NBEA: variants seen among roughly 807,000 people sequenced by gnomAD.
NBEA encodes neurobeachin.
Under a neutral mutation model 343.4 loss-of-function variants are expected in NBEA, and 44 were observed. The observed-to-expected ratio is 0.13, with a 90% CI of 0.10 to 0.16. NBEA has a LOEUF of 0.16. Ranked by LOEUF, NBEA falls within the 10% of genes least tolerant of loss-of-function variation. The probability of loss-of-function intolerance (pLI) is 1.00; values close to 1 mark genes in which losing one functional copy is unlikely to be tolerated. For synonymous variants in NBEA, 1,175 were observed against 1,238.7 expected (o/e 0.95, Z 1.08); for missense variants, 2,555 against 3,631.3 (o/e 0.70, Z 7.62).
At chr13:34,992,236 G>GTATA (rs1273760024) in intron 1 of NBEA, among the ~76,000 whole-genome samples, 8 of 101,054 alleles carry the variant, frequency 7.9e-5, no homozygotes, top group East Asian at 7.4e-4. Flanking sequence ...GTGTGTGTGT[G>GTATA]TGTATATATA....
Position 35,359,832 on chromosome 13 carries a change from ATG to A in NBEA, c.6179+7536_6179+7537del, listed in dbSNP as rs60793996. On this transcript the variant is annotated intron_variant, in intron 38 of 58. Transcript: ENST00000379939. The stretch of plus-strand genomic sequence containing the variant: ...GAGTTTAATAGGTGTGTGTGTGTGT[ATG>A]TGTGTGTGTGTGTGTGTGTGTGTGT... Among the ~76,000 whole-genome samples the A allele has an allele frequency of 4.1e-3, 590 of 144,128 alleles. 3 individuals carry two copies. The highest frequency in any genetic ancestry group is 7.3e-3 in the African/African-American group (293 of 40,146). 94.6% of individuals were successfully genotyped at this position (144,128 alleles called of 152,430 possible). A position where few individuals can be genotyped will look rare whatever the true frequency, so the allele number is the denominator to read the frequency against.
At chr13:35,141,592 C>T (rs1481954470) in intron 17 of NBEA, among the ~76,000 whole-genome samples, 1 of 152,132 alleles carries the variant, frequency 6.6e-6, no homozygotes, top group Non-Finnish European at 1.5e-5. Flanking sequence ...GGAAGTGACA[C>T]AAATGAGAGG....
In NBEA at chr13:35,070,100, C is replaced by A; in HGVS notation, c.1432C>A (p.Leu478Ile). 1 of 1,549,722 alleles carries A rather than the reference C, an allele frequency of 6.5e-7. No individual in the cohort carries two copies. The highest frequency in any genetic ancestry group is 8.7e-7 in the Non-Finnish European group (1 of 1,146,152). ...TGTGCATTCCCCACATGCTCTAATGCTTCAGGTGGGTGAATCGTGGCTTTG... is the reference window on the plus strand; with the variant it reads ...TGTGCATTCCCCACATGCTCTAATGATTCAGGTGGGTGAATCGTGGCTTTG... ...IFVHSPHALM[L>I]QDVKAIVTHS... is the part of the protein sequence containing the mutation. The change falls in exon 9 of 59, where the codon CTT (leucine) becomes ATT (isoleucine). Residue 478 changes from leucine (L) to isoleucine (I), a missense_variant. Around this residue, in one of 21 missense-constraint regions of NBEA, gnomAD observed 75 missense variants for 237.4 expected, o/e 0.32. Transcript: ENST00000379939.
In NBEA at chr13:35,539,915, C is replaced by CAAAAAAAAAAAAAAAAAAA. The variant is rs71081262; in HGVS notation, c.6586-10553_6586-10535dup. ...TGGGCGACAGAGCAAGACTCCGTCT[C>CAAAAAAAAAAAAAAAAAAA]AAAAAAAAAAAAAAAAAAAAAAAAA... On this transcript the variant is annotated intron_variant, in intron 41 of 58. Coordinates refer to ENST00000379939, the MANE Select transcript of NBEA (RefSeq NM_001385012.1). Among the ~76,000 whole-genome samples the CAAAAAAAAAAAAAAAAAAA allele has an allele frequency of 4.8e-4, 19 of 39,606 alleles. 2 individuals carry two copies. Among genetic ancestry groups the CAAAAAAAAAAAAAAAAAAA allele is most frequent in the South Asian group, 2.0e-3 (2 of 1,020 alleles). 26.0% of individuals were successfully genotyped at this position (39,606 alleles called of 152,430 possible).
At chr13:35,447,686 A>G (rs369492225) in intron 39 of NBEA, among the ~76,000 whole-genome samples, 3 of 152,126 alleles carry the variant, frequency 2.0e-5, no homozygotes, top group African/African-American at 4.8e-5. Context: ...ATATATGTCT[A>G]TCCTACCCAG....
intron 42 of NBEA, 107 bp from the exon 43 acceptor site, chr13:35,550,823 T>G: frequency 1.4e-6 from 1 of 712,806 alleles, no homozygotes; most frequent in South Asian, 2.0e-5. Flanking sequence ...TGAAGATTCA[T>G]TAGCTTTACA....
chr13:34,943,303 TCTC>T (rs2059088987), intron 1 of NBEA, among the ~76,000 whole-genome samples, 189 bp downstream of exon 1: 1 of 152,010 alleles, frequency 6.6e-6, no homozygotes, highest in African/African-American at 2.4e-5. Context: ...ACCTCCCTCC[TCTC>T]CTCTTTCTGG....
intron 41 of NBEA, chr13:35,476,595 G>A: frequency 1.9e-6 from 1 of 532,238 alleles, no homozygotes; most frequent in Admixed American, 3.2e-5. Context: ...TGTGTGTGCA[G>A]CACTGTTAAT....
At chr13:35,457,393 T>C (rs1405689355) in intron 40 of NBEA, among the ~76,000 whole-genome samples, 2 of 152,202 alleles carry the variant, frequency 1.3e-5, no homozygotes, top group Admixed American at 1.3e-4. Context: ...AAATATTTCA[T>C]TACTCCAGAT....
chr13:35,139,744 G>GTT (rs36117821), intron 17 of NBEA, among the ~76,000 whole-genome samples: 7,499 of 60,806 alleles, frequency 0.12, 1,936 homozygotes, highest in East Asian at 0.27. Context: ...GATGGATGGC[G>GTT]TTTTTTTTTT....
intron 17 of NBEA, among the ~76,000 whole-genome samples, chr13:35,124,247 G>C (rs543483106): frequency 6.9e-6 from 1 of 145,658 alleles, no homozygotes; most frequent in Non-Finnish European, 1.5e-5. Flanking sequence ...CCTCATTTTC[G>C]CCCTTGTTTT....
chr13:35,191,909 G>C (rs1011535206), intron 30 of NBEA, among the ~76,000 whole-genome samples: 1 of 152,022 alleles, frequency 6.6e-6, no homozygotes. Flanking sequence ...GATATGTGAA[G>C]TCACCGTGTA....
intron 10 of NBEA, among the ~76,000 whole-genome samples, chr13:35,096,369 A>G (rs1384774585): frequency 1.6e-4 from 24 of 151,784 alleles, no homozygotes; most frequent in Admixed American, 1.6e-3. Context: ...AGATTTTGGA[A>G]TAATAATATT....
chr13:35,425,566 A>T (rs1366715070), intron 38 of NBEA, among the ~76,000 whole-genome samples: 2 of 152,150 alleles, frequency 1.3e-5, no homozygotes, highest in Admixed American at 1.3e-4. Context: ...TTTACTTCCA[A>T]CTATGTGATC....
chr13:35,142,371 T>G lies in NBEA; in HGVS notation c.2439T>G (p.Leu813=). ...TGACTGTCACCACATACAACACACT[T>G]TATGAGGTAAAAATAAAAAATGTGT... The part of the protein sequence containing the change: ...NTVTVTTYNT[L]YEILTEQVCT... The change falls in exon 18 of 59, where the codon CTT becomes CTG. Residue 813 remains leucine, a synonymous_variant. Transcript: ENST00000379939. 6.2e-7 allele frequency: 1 copy of G among 1,608,726 alleles called. No homozygotes were observed. The highest frequency in any genetic ancestry group is 8.5e-7 in the Non-Finnish European group (1 of 1,176,092).
At chr13:35,281,593 G>A (rs1428164684) in intron 34 of NBEA, among the ~76,000 whole-genome samples, 2 of 151,908 alleles carry the variant, frequency 1.3e-5, no homozygotes, top group Non-Finnish European at 2.9e-5. Flanking sequence ...TACCAATTAT[G>A]TTTTTTCTCT....
intron 17 of NBEA, among the ~76,000 whole-genome samples, chr13:35,132,347 A>G (rs1324176373): frequency 6.6e-6 from 1 of 151,986 alleles, no homozygotes; most frequent in Non-Finnish European, 1.5e-5. Flanking sequence ...TTTAGTGGAG[A>G]TGGGGTTTCA....
chr13:35,251,311 C>T lies in NBEA; in HGVS notation c.5776+18692C>T, dbSNP rs144080902. Reference sequence around the variant, plus strand: ...TAGTATGCCAGCATCCCTGTGCATCCGCTTCCAGCCTGTCACTGCCAGCTT... The same window carrying T: ...TAGTATGCCAGCATCCCTGTGCATCTGCTTCCAGCCTGTCACTGCCAGCTT... On this transcript the variant is annotated intron_variant, in intron 34 of 58. Transcript: ENST00000379939. 3.8e-3 allele frequency: 3,282 copies of T among 857,832 alleles called. 16 individuals carry two copies. Among genetic ancestry groups the T allele is most frequent in the South Asian group, 0.018 (429 of 24,448 alleles). The allele number at this position is 857,832 out of a possible 1,614,324, so 53.1% of individuals were successfully genotyped here.
intron 48 of NBEA, among the ~76,000 whole-genome samples, chr13:35,625,637 A>G (rs191596837): frequency 2.6e-5 from 4 of 151,944 alleles, no homozygotes; most frequent in Admixed American, 2.6e-4. Context: ...AAATAATAAT[A>G]ATAAAATTAA....
Sources: gnomAD v4.1 joint callset for allele counts (sites outside exome capture counted in the v4.1 genomes callset) on GRCh38, gnomAD v4.1.1 for gene constraint, gnomAD v4.1.1 regional missense constraint, MANE v1.5 for transcripts, NCBI Gene and HGNC (gene_info 2026-07-23, HGNC 2026-07-21) for gene names.